Variants in SLF1 observed in about 807,000 individuals in gnomAD.
SLF1 encodes SMC5-SMC6 complex localization factor protein 1.
SLF1 carries 105 observed loss-of-function variants against 123.0 expected under a neutral mutation model. The ratio of observed to expected loss-of-function variants is 0.85; its 90% CI spans 0.73 to 1.00. The LOEUF is 1.00. Among genes scored for constraint, SLF1 ranks in the 50% least tolerant of loss-of-function variants. SLF1 has a pLI of 0.00. For missense variants in SLF1, 1,239 were observed against 1,223.0 expected (o/e 1.01, Z -0.20); for synonymous variants, 434 against 406.6 (o/e 1.07, Z -0.81).
chr5:94,664,605 C>T (rs1455557189), intron 11 of SLF1, among the ~76,000 whole-genome samples: 1 of 152,190 alleles, frequency 6.6e-6, no homozygotes, highest in Non-Finnish European at 1.5e-5. Context: ...GATAACATAA[C>T]AGGCATAAGC....
intron 15 of SLF1, among the ~76,000 whole-genome samples, chr5:94,679,919 T>C (rs968196588): frequency 5.3e-5 from 8 of 152,294 alleles, no homozygotes; most frequent in Middle Eastern, 3.4e-3. Flanking sequence ...GGAGAGTCTT[T>C]GCCCATCCTT....
intron 4 of SLF1, among the ~76,000 whole-genome samples, chr5:94,642,285 C>T (rs532395466): frequency 2.0e-5 from 3 of 152,270 alleles, no homozygotes; most frequent in Non-Finnish European, 4.4e-5. Flanking sequence ...TCCTAACCTG[C>T]CTTCAATCTT....
intron 15 of SLF1, among the ~76,000 whole-genome samples, chr5:94,680,549 T>G (rs67313609): frequency 0.22 from 33,835 of 152,136 alleles, 3,884 homozygotes; most frequent in East Asian, 0.34. Context: ...CTGTTTTCAT[T>G]CCTTAATGAA....
intron 14 of SLF1, among the ~76,000 whole-genome samples, chr5:94,675,060 G>C (rs996874990): frequency 1.3e-5 from 2 of 152,248 alleles, no homozygotes; most frequent in African/African-American, 4.8e-5. Context: ...AAGAGGCACA[G>C]TGTGTGCTTT....
At position 94,670,224 on chromosome 5, in the gene SLF1, C is replaced by T; in HGVS notation, c.1606C>T (p.Leu536=). 2 of 1,518,054 alleles carry T rather than the reference C, an allele frequency of 1.3e-6. No individual in the cohort carries two copies. The highest frequency in any genetic ancestry group is 2.6e-5 in the South Asian group (2 of 77,260). The allele number at this position is 1,518,054 out of a possible 1,614,324, so 94.0% of individuals were successfully genotyped here. The change falls in exon 13 of 21, where the codon CTA becomes TTA. Residue 536 remains leucine (L), a synonymous_variant. Transcript: ENST00000265140. ...TGGCTCCAAGGTGCTCCACCTGACG[C>T]TACTCAAATTTTTCTTTAATTTAAT... ...NIGSKVLHLT[L]LKFFFNLIES... is the part of the protein sequence containing the mutation.
chr5:94,629,434 G>T (rs995009093), intron 3 of SLF1, among the ~76,000 whole-genome samples: 4 of 151,836 alleles, frequency 2.6e-5, no homozygotes, highest in African/African-American at 9.7e-5. Flanking sequence ...ATACATTAAT[G>T]AAAAGACTGG....
chr5:94,619,869 C>G (rs963101769), intron 1 of SLF1, among the ~76,000 whole-genome samples: 2 of 151,236 alleles, frequency 1.3e-5, no homozygotes, highest in Admixed American at 6.6e-5. Context: ...CTTTTCTTAC[C>G]TTTCCTTCCT....
In SLF1 at chr5:94,695,551, T is replaced by G; in HGVS notation, c.*239T>G. On this transcript the variant is annotated 3_prime_UTR_variant, in exon 21 of 21. Coordinates refer to ENST00000265140, the MANE Select transcript of SLF1 (RefSeq NM_032290.4). ...GTAAAAATAATTTTGTTTTAGTATA[T>G]TCTACTTTCATTAATGTTTTTTTGT... is the stretch of plus-strand genomic sequence containing the variant. 1 of 266,158 alleles carries G rather than the reference T, an allele frequency of 3.8e-6. No individual in the cohort carries two copies. Among genetic ancestry groups the G allele is most frequent in the East Asian group, 7.2e-5 (1 of 13,922 alleles). 16.5% of individuals were successfully genotyped at this position (266,158 alleles called of 1,614,324 possible). A position where few individuals can be genotyped will look rare whatever the true frequency, so the allele number is the denominator to read the frequency against.
At chr5:94,652,376 T>C (rs1217028127) in intron 7 of SLF1, among the ~76,000 whole-genome samples, 1 of 152,200 alleles carries the variant, frequency 6.6e-6, no homozygotes, top group Admixed American at 6.5e-5. Context: ...TCTTAGAATT[T>C]GTGTTAATTA....
intron 15 of SLF1, among the ~76,000 whole-genome samples, chr5:94,684,345 G>T (rs1195861751): frequency 2.0e-5 from 3 of 152,078 alleles, no homozygotes; most frequent in Admixed American, 2.0e-4. Context: ...TATTAACAGA[G>T]CCTCAGTAGT....
At chr5:94,636,411 T>A (rs1030550175) in intron 4 of SLF1, among the ~76,000 whole-genome samples, 1 of 152,104 alleles carries the variant, frequency 6.6e-6, no homozygotes, top group African/African-American at 2.4e-5. Context: ...TTTTATACAG[T>A]TATTAGGTCT....
Position 94,648,667 on chromosome 5 carries a change from C to T in SLF1, c.595-787C>T, listed in dbSNP as rs538898405. On this transcript the variant is annotated intron_variant, in intron 5 of 20. Transcript: ENST00000265140. Reference sequence around the variant, plus strand: ...TGGCTAATTTTTGTATTTTTAGTAGCGATGGGGTTTCACCATGTTGGGCAG... The same window carrying T: ...TGGCTAATTTTTGTATTTTTAGTAGTGATGGGGTTTCACCATGTTGGGCAG... Among the ~76,000 whole-genome samples, 4 of 152,168 alleles carry T rather than the reference C, an allele frequency of 2.6e-5. 1 individual carries two copies. In the South Asian group the frequency reaches 8.3e-4, roughly 32 times the overall value.
intron 4 of SLF1, among the ~76,000 whole-genome samples, chr5:94,642,769 A>G (rs111730417): frequency 2.0e-4 from 30 of 151,826 alleles, no homozygotes; most frequent in African/African-American, 6.3e-4. Context: ...TTTTTTTCTA[A>G]TTTTATTTTT....
At position 94,696,038 on chromosome 5, in the gene SLF1, A is replaced by C. The variant is rs1753492126; in HGVS notation, c.*726A>C. On this transcript the variant is annotated 3_prime_UTR_variant, in exon 21 of 21. Transcript: ENST00000265140. ...TTCTGCTGCATAGGTTTATGAGTTT[A>C]ATATTAAGATATTGAGTGGCATCTA... is the stretch of plus-strand genomic sequence containing the variant. The C allele has an allele frequency of 6.6e-6, 1 of 151,830 alleles. No individual in the cohort carries two copies. Among genetic ancestry groups the C allele is most frequent in the Non-Finnish European group, 1.5e-5 (1 of 67,836 alleles). The allele number at this position is 151,830 out of a possible 1,614,324, so 9.4% of individuals were successfully genotyped here.
intron 3 of SLF1, chr5:94,629,684 CTGACA>C: frequency 6.6e-6 from 1 of 152,364 alleles, no homozygotes; most frequent in African/African-American, 2.4e-5. Flanking sequence ...TGTGATTGAT[CTGACA>C]TATCATTAGT....
rs74788266 is a variant in SLF1, at chr5:94,623,717, G to T, written c.-1+4952G>T. Among the ~76,000 whole-genome samples, 104 of 152,110 alleles carry T rather than the reference G, an allele frequency of 6.8e-4. 2 individuals are homozygous for T. In the East Asian group the frequency reaches 0.018, roughly 27 times the overall value. On this transcript the variant is annotated intron_variant, in intron 1 of 20. Coordinates refer to ENST00000265140, the MANE Select transcript of SLF1 (RefSeq NM_032290.4). ...CACTAAACTTGACTGTACTTTAAAG[G>T]ATTTTTAATTGTCTGGGTTATTGAT... is the stretch of plus-strand genomic sequence containing the variant.
chr5:94,681,600 A>G (rs372120051), intron 15 of SLF1, among the ~76,000 whole-genome samples: 3 of 151,298 alleles, frequency 2.0e-5, no homozygotes, highest in Admixed American at 2.0e-4. Flanking sequence ...GCACCCACTA[A>G]CTCGTCATCT....
intron 4 of SLF1, among the ~76,000 whole-genome samples, chr5:94,639,510 C>T (rs1239725440): frequency 6.6e-6 from 1 of 151,972 alleles, no homozygotes; most frequent in African/African-American, 2.4e-5. Context: ...CAAACAGTAT[C>T]TTTTTGCAAG....
chr5:94,624,427 A>C (rs868462666), intron 1 of SLF1, among the ~76,000 whole-genome samples: 24 of 152,182 alleles, frequency 1.6e-4, no homozygotes, highest in Admixed American at 1.3e-4. Context: ...TTTTATTATA[A>C]AGACCATATG....
Sources: allele counts gnomAD v4.1 joint callset (sites outside exome capture counted in the v4.1 genomes callset), GRCh38; gene constraint gnomAD v4.1.1; transcripts MANE v1.5; gene names NCBI Gene and HGNC (gene_info 2026-07-23, HGNC 2026-07-21).